Variants in SLC29A3 observed in about 807,000 individuals in gnomAD.
SLC29A3 encodes the protein equilibrative nucleoside transporter 3.
A neutral mutation model predicts 25.4 loss-of-function variants in SLC29A3; 18 were observed. The observed-to-expected ratio is 0.71, with a 90% confidence interval of 0.49 to 1.05. The LOEUF (loss-of-function observed/expected upper bound fraction) is 1.05, where lower values mean the gene tolerates loss of function less well. SLC29A3 is among the 50% of genes least tolerant of loss of function. The pLI is 0.00. For synonymous variants in SLC29A3, 258 were observed against 267.1 expected (o/e 0.97, Z 0.33); for missense variants, 586 against 609.0 (o/e 0.96, Z 0.40).
chr10:71,324,860 G>A (rs1369218798), intron 2 of SLC29A3, among the ~76,000 whole-genome samples: 1 of 152,114 alleles, frequency 6.6e-6, no homozygotes, highest in African/African-American at 2.4e-5. Context: ...GACTGAGTTG[G>A]GCAGGCAGAA....
Position 71,362,816 on chromosome 10 carries a change from C to T in SLC29A3, c.*208C>T. On this transcript the variant is annotated 3_prime_UTR_variant, in exon 6 of 6. Coordinates refer to ENST00000373189, the MANE Select transcript of SLC29A3 (RefSeq NM_018344.6). Reference sequence around the variant, plus strand: ...AGATATTCCAGTCATATTAACAGAACACTCCTGAGACAGTTGAAGAAGAAA... The same window carrying T: ...AGATATTCCAGTCATATTAACAGAATACTCCTGAGACAGTTGAAGAAGAAA... The T allele has an allele frequency of 1.4e-6, 1 of 711,274 alleles. No homozygotes were observed. Among genetic ancestry groups the T allele is most frequent in the Non-Finnish European group, 2.5e-6 (1 of 396,606 alleles). The allele number at this position is 711,274 out of a possible 1,614,324, so 44.1% of individuals were successfully genotyped here. A position where few individuals can be genotyped will look rare whatever the true frequency, so the allele number is the denominator to read the frequency against.
chr10:71,336,089 A>G (rs965305933), intron 2 of SLC29A3, among the ~76,000 whole-genome samples: 1 of 152,132 alleles, frequency 6.6e-6, no homozygotes, highest in Admixed American at 6.5e-5. Flanking sequence ...GGCTCTAGGG[A>G]ATAACATTTC....
chr10:71,344,573 C>G (rs931556355), intron 3 of SLC29A3, among the ~76,000 whole-genome samples: 1 of 152,196 alleles, frequency 6.6e-6, no homozygotes, highest in Non-Finnish European at 1.5e-5. Flanking sequence ...GTCTTCCTCC[C>G]TTCTCTTCTC....
downstream of SLC29A3, chr10:71,365,658 C>CAGGG (rs1847164959): frequency 6.6e-6 from 1 of 152,056 alleles, no homozygotes; most frequent in Non-Finnish European, 1.5e-5. Flanking sequence ...CATTCCCTCC[C>CAGGG]AGGGAGGGAG....
chr10:71,340,829 C>T (rs961446474), intron 2 of SLC29A3, among the ~76,000 whole-genome samples: 7 of 152,192 alleles, frequency 4.6e-5, no homozygotes, highest in African/African-American at 1.4e-4. Flanking sequence ...CGTAGACCTT[C>T]GCCGCTGGTT....
chr10:71,319,329 G>C lies in SLC29A3; in HGVS notation c.1+19G>C. ...GGCGACAGTAAGTGCGGGCCGGCTCGGGCTCTTCCGGCTACGGTCCCGGCC... is the reference window on the plus strand; with the variant it reads ...GGCGACAGTAAGTGCGGGCCGGCTCCGGCTCTTCCGGCTACGGTCCCGGCC... On this transcript the variant is annotated intron_variant, in intron 1 of 5. Coordinates refer to ENST00000373189, the MANE Select transcript of SLC29A3 (RefSeq NM_018344.6). 1 of 642,382 alleles carries C rather than the reference G, an allele frequency of 1.6e-6. No individual in the cohort carries two copies. The highest frequency in any genetic ancestry group is 1.6e-5 in the South Asian group (1 of 61,140). The allele number at this position is 642,382 out of a possible 1,614,324, so 39.8% of individuals were successfully genotyped here.
intron 1 of SLC29A3, 78 bp downstream of exon 1, chr10:71,319,388 G>C (rs1453611982): frequency 6.9e-6 from 4 of 580,464 alleles, no homozygotes; most frequent in South Asian, 2.0e-5. Context: ...CCTCCCTCCC[G>C]GGCCCTGGGG....
intron 2 of SLC29A3, among the ~76,000 whole-genome samples, chr10:71,328,244 C>G (rs189323139): frequency 6.6e-6 from 1 of 152,202 alleles, no homozygotes; most frequent in Non-Finnish European, 1.5e-5. Context: ...TCCATCCCCC[C>G]ATCTGACCAG....
chr10:71,378,623 G>A (rs569935546), intron 4 of SLC29A3, among the ~76,000 whole-genome samples: 3 of 152,296 alleles, frequency 2.0e-5, no homozygotes, highest in African/African-American at 7.2e-5. Flanking sequence ...CAAATTCTTA[G>A]CCTACTACTA....
intron 2 of SLC29A3, among the ~76,000 whole-genome samples, chr10:71,336,830 G>A (rs903126549): frequency 6.6e-6 from 1 of 152,044 alleles, no homozygotes; most frequent in African/African-American, 2.4e-5. Flanking sequence ...TTTGCTCATC[G>A]TCCAGCAGGG....
intron 4 of SLC29A3, among the ~76,000 whole-genome samples, chr10:71,376,891 T>C (rs1158407913): frequency 6.6e-6 from 1 of 152,158 alleles, no homozygotes; most frequent in African/African-American, 2.4e-5. Flanking sequence ...TGCCTCTGCC[T>C]CAGCCTCCCG....
intron 3 of SLC29A3, among the ~76,000 whole-genome samples, chr10:71,373,689 G>A (rs1414404049): frequency 6.6e-6 from 1 of 152,212 alleles, no homozygotes; most frequent in Admixed American, 6.5e-5. Flanking sequence ...TAGGACCAAA[G>A]GGACATGATA....
At chr10:71,330,129 C>T (rs1336661047) in intron 2 of SLC29A3, among the ~76,000 whole-genome samples, 1 of 152,230 alleles carries the variant, frequency 6.6e-6, no homozygotes, top group Non-Finnish European at 1.5e-5. Context: ...CTGGAAGAGC[C>T]TTTGCCCTTT....
intron 4 of SLC29A3, 132 bp downstream of exon 4, chr10:71,351,920 A>G (rs765535921): frequency 1.5e-4 from 125 of 839,180 alleles, no homozygotes; most frequent in Non-Finnish European, 2.3e-4. Context: ...TCAGTCATCT[A>G]GTGTTGTAGA....
At position 71,362,544 on chromosome 10, in the gene SLC29A3, T is replaced by G. The variant is rs1272503215; in HGVS notation, c.1364T>G (p.Phe455Cys). ...GAGGCCACGGGAGTGGTGATGTCCT[T>G]TTATGTGTGCTTGGGCTTAACACTG... ...LAEATGVVMS[F>C]YVCLGLTLGS... The change falls in exon 6 of 6, where the codon TTT (phenylalanine) becomes TGT (cysteine). Residue 455 changes from phenylalanine to cysteine, a missense_variant. Coordinates refer to ENST00000373189, the MANE Select transcript of SLC29A3 (RefSeq NM_018344.6). The G allele has an allele frequency of 6.2e-7, 1 of 1,614,132 alleles. No individual in the cohort carries two copies. Among genetic ancestry groups the G allele is most frequent in the Admixed American group, 1.7e-5 (1 of 60,026 alleles).
chr10:71,326,981 CCTCTCTTCCTG>C (rs1282132751), intron 2 of SLC29A3, among the ~76,000 whole-genome samples: 1 of 152,196 alleles, frequency 6.6e-6, no homozygotes, highest in Non-Finnish European at 1.5e-5. Flanking sequence ...GCTCTTTCCT[CCTCTCTTCCTG>C]ATTTCCCTGT....
intron 2 of SLC29A3, among the ~76,000 whole-genome samples, chr10:71,332,302 A>G (rs1846139589): frequency 6.6e-6 from 1 of 151,678 alleles, no homozygotes; most frequent in South Asian, 2.1e-4. Flanking sequence ...GGCGCCCGCC[A>G]CCACACCTGG....
chr10:71,363,380 A>G lies in SLC29A3; in HGVS notation c.*772A>G. The G allele has an allele frequency of 2.2e-6, 1 of 454,116 alleles. No individual in the cohort carries two copies. The highest frequency in any genetic ancestry group is 1.6e-5 in the South Asian group (1 of 64,468). The allele number at this position is 454,116 out of a possible 1,614,324, so 28.1% of individuals were successfully genotyped here. On this transcript the variant is annotated 3_prime_UTR_variant, in exon 6 of 6. Transcript: ENST00000373189. Reference sequence around the variant, plus strand: ...TCAAGGGCGTAATAAATACTTGCGTATTCAATGTAAGCCTCATTGATGTCT... The same window carrying G: ...TCAAGGGCGTAATAAATACTTGCGTGTTCAATGTAAGCCTCATTGATGTCT...
At chr10:71,381,400 T>C (rs1847302435), downstream of SLC29A3, 2 of 152,328 alleles carry the variant, frequency 1.3e-5, no homozygotes, top group South Asian at 2.1e-4. Context: ...GCTCCTGTTA[T>C]TAAATCTAAA....
Sources: gnomAD v4.1 joint callset for allele counts (sites outside exome capture counted in the v4.1 genomes callset) on GRCh38, gnomAD v4.1.1 for gene constraint, MANE v1.5 for transcripts, NCBI Gene and HGNC (gene_info 2026-07-23, HGNC 2026-07-21) for gene names.